AMBP: variants seen among roughly 807,000 people sequenced by gnomAD.
AMBP encodes the protein protein AMBP.
A neutral mutation model predicts 46.3 loss-of-function variants in AMBP; 37 were observed. The ratio of observed to expected loss-of-function variants is 0.80; its 90% CI spans 0.61 to 1.05. AMBP has a LOEUF of 1.05. Ranked by LOEUF, AMBP falls within the 50% of genes least tolerant of loss-of-function variation. The pLI, the probability that AMBP is intolerant of heterozygous loss-of-function variation, is 0.00. For synonymous variants in AMBP, 174 were observed against 175.9 expected (o/e 0.99, Z 0.09); for missense variants, 475 against 461.2 (o/e 1.03, Z -0.27).
rs773042558 is a variant in AMBP at position 114,062,766 on chromosome 9, GGAGA to G, written c.604-12_604-9del. On this transcript the variant is annotated splice_polypyrimidine_tract_variant and intron_variant, in intron 6 of 9. Transcript: ENST00000265132. ...CACAGCCCTCCGGACTCTCTGCGGGGGAGAGAAAGAGAAGAAGCAGTTGCAGACT... is the reference window on the plus strand; with the variant it reads ...CACAGCCCTCCGGACTCTCTGCGGGGGAAAGAGAAGAAGCAGTTGCAGACT... 5.5e-5 allele frequency: 89 copies of G among 1,613,856 alleles called. No individual in the cohort carries two copies. Among genetic ancestry groups the G allele is most frequent in the Non-Finnish European group, 7.4e-5 (87 of 1,179,934 alleles).
Position 114,072,980 on chromosome 9 carries a change from C to T in AMBP, c.501G>A (p.Val167=). Residue 167 remains valine, a synonymous_variant, in exon 5 of 10, where the codon GTG becomes GTA. Transcript: ENST00000265132. ...LRETLLQDFR[V]VAQGVGIPED... ...CAGGGATGCCCACACCCTGGGCAACCACTCTGAAGTCCTGCAGGAGAGTTT... is the reference window on the plus strand; with the variant it reads ...CAGGGATGCCCACACCCTGGGCAACTACTCTGAAGTCCTGCAGGAGAGTTT... 6.2e-7 allele frequency: 1 copy of T among 1,613,928 alleles called. No individual in the cohort carries two copies. The highest frequency in any genetic ancestry group is 8.5e-7 in the Non-Finnish European group (1 of 1,179,862).
intron 8 of AMBP, 85 bp from the exon 9 acceptor site, chr9:114,061,183 C>T: frequency 6.6e-7 from 1 of 1,515,246 alleles, no homozygotes; most frequent in Non-Finnish European, 8.9e-7. Context: ...CCAGAGGGCC[C>T]TGCTCATCTA....
At position 114,060,242 on chromosome 9, in the gene AMBP, G is replaced by T; in HGVS notation, c.1056C>A (p.Asn352Lys). 6.2e-7 allele frequency: 1 copy of T among 1,613,304 alleles called. No individual in the cohort carries two copies. The highest frequency in any genetic ancestry group is 1.1e-5 in the South Asian group (1 of 90,704). The change falls in exon 10 of 10, where the codon AAC becomes AAA. Residue 352 changes from asparagine (N) to lysine (K), a missense_variant. Physicochemically the swap from Asn to Lys is moderately conservative, Grantham distance 94. This residue lies in a region of AMBP where 293 missense variants were observed against 276.9 expected (regional missense o/e 1.06). Transcript: ENST00000265132. ...DGDEELLRFS[N>K] ...TGACTTGCAGACCGGCCAGTTGTCA[G>T]TTGGAGAAGCGCAGCAGCTCCTCAT...
intron 5 of AMBP, among the ~76,000 whole-genome samples, chr9:114,071,212 C>T (rs1377320604): frequency 1.3e-5 from 2 of 152,186 alleles, no homozygotes; most frequent in African/African-American, 4.8e-5. Context: ...CTCTCAGGGC[C>T]CAGGAAGGTC....
chr9:114,070,499 C>T (rs959431576), intron 5 of AMBP, among the ~76,000 whole-genome samples: 1 of 152,206 alleles, frequency 6.6e-6, no homozygotes, highest in Admixed American at 6.5e-5. Context: ...CTGGGAGCCC[C>T]TGGAGCCTGC....
At chr9:114,061,738 T>A in intron 7 of AMBP, 147 bp from the exon 8 acceptor site, 1 of 1,002,638 alleles carries the variant, frequency 1.0e-6, no homozygotes, top group Non-Finnish European at 1.4e-6. Context: ...CTCAGAGAGG[T>A]GAAGTAACTT....
rs1307459485 is a variant in AMBP, at chr9:114,072,969, C to A, written c.512G>T (p.Gly171Val). The A allele has an allele frequency of 6.2e-7, 1 of 1,613,914 alleles. No homozygotes were observed. Among genetic ancestry groups the A allele is most frequent in the Non-Finnish European group, 8.5e-7 (1 of 1,179,866 alleles). The change falls in exon 5 of 10, where the codon GGT (glycine) becomes GTT (valine). Residue 171 changes from glycine to valine, a missense_variant. This residue lies in a region of AMBP where 293 missense variants were observed against 276.9 expected (regional missense o/e 1.06). Coordinates refer to ENST00000265132, the MANE Select transcript of AMBP (RefSeq NM_001633.4). Reference sequence around the variant, plus strand: ...GATGGAGTCCTCAGGGATGCCCACACCCTGGGCAACCACTCTGAAGTCCTG... The same window carrying A: ...GATGGAGTCCTCAGGGATGCCCACAACCTGGGCAACCACTCTGAAGTCCTG... ...LLQDFRVVAQ[G>V]VGIPEDSIFT... is the part of the protein sequence containing the mutation.
chr9:114,060,992 G>A lies in AMBP; in HGVS notation c.960C>T (p.Cys320=). 1 of 1,614,238 alleles carries A rather than the reference G, an allele frequency of 6.2e-7. No homozygotes were observed. Among genetic ancestry groups the A allele is most frequent in the Non-Finnish European group, 8.5e-7 (1 of 1,180,038 alleles). ...GKCVLFPYGG[C]QGNGNKFYSE... is the part of the protein sequence containing the mutation. The stretch of plus-strand genomic sequence containing the variant: ...AGTAGAACTTGTTCCCGTTGCCCTG[G>A]CAGCCCCCGTAGGGGAAGAGGACGC... Residue 320 remains cysteine (C), a synonymous_variant, in exon 9 of 10, where the codon TGC becomes TGT. Coordinates refer to ENST00000265132, the MANE Select transcript of AMBP (RefSeq NM_001633.4).
chr9:114,068,826 A>C lies in AMBP; in HGVS notation c.603+873T>G, dbSNP rs552390649. Among the ~76,000 whole-genome samples the C allele has an allele frequency of 1.9e-4, 28 of 151,350 alleles. No individual in the cohort carries two copies. The East Asian group carries it at 4.4e-3, about 24-fold the overall frequency. On this transcript the variant is annotated intron_variant, in intron 6 of 9. Transcript: ENST00000265132. ...GTGAGATTAAAAAAAAAAAAAAAAA[A>C]AAAAAACCTTTACTTACCTTTATAC...
intron 8 of AMBP, 42 bp from the exon 9 acceptor site, chr9:114,061,140 G>T: frequency 6.2e-7 from 1 of 1,603,892 alleles, no homozygotes; most frequent in South Asian, 1.1e-5. Flanking sequence ...AAACCCTTGT[G>T]ACTGCTGATC....
intron 5 of AMBP, among the ~76,000 whole-genome samples, chr9:114,072,389 G>C (rs1846754694): frequency 6.6e-6 from 1 of 152,208 alleles, no homozygotes; most frequent in Admixed American, 6.5e-5. Flanking sequence ...GACTGCAGTG[G>C]CTGGACCCCA....
At chr9:114,062,181 A>T (rs1846645710) in intron 7 of AMBP, among the ~76,000 whole-genome samples, 1 of 152,152 alleles carries the variant, frequency 6.6e-6, no homozygotes, top group African/African-American at 2.4e-5. Context: ...AAGTTCCAAA[A>T]TGACACAAGT....
At chr9:114,072,228 G>T (rs1846753121) in intron 5 of AMBP, among the ~76,000 whole-genome samples, 1 of 152,188 alleles carries the variant, frequency 6.6e-6, no homozygotes, top group South Asian at 2.1e-4. Context: ...TGCAGTTCTT[G>T]GCATCTCCGA....
intron 4 of AMBP, among the ~76,000 whole-genome samples, chr9:114,073,491 C>CT (rs71492766): frequency 9.6e-5 from 11 of 114,212 alleles, no homozygotes; most frequent in Non-Finnish European, 1.6e-4. Context: ...GTCTCAATCC[C>CT]TGTTTTTTTT....
chr9:114,066,254 G>C (rs940342462), intron 6 of AMBP, among the ~76,000 whole-genome samples: 1 of 152,208 alleles, frequency 6.6e-6, no homozygotes, highest in Non-Finnish European at 1.5e-5. Flanking sequence ...TCCCCTACAG[G>C]TGTTGGTCCT....
intron 5 of AMBP, among the ~76,000 whole-genome samples, chr9:114,071,439 G>A (rs1014958969): frequency 9.2e-5 from 14 of 152,252 alleles, no homozygotes; most frequent in Non-Finnish European, 1.9e-4. Flanking sequence ...AAGGGAGGCC[G>A]AGTGGGGGCT....
chr9:114,066,552 G>C (rs1292197774), intron 6 of AMBP, among the ~76,000 whole-genome samples: 1 of 152,014 alleles, frequency 6.6e-6, no homozygotes, highest in East Asian at 1.9e-4. Context: ...GAAAATCCAA[G>C]CCTACAGAAA....
chr9:114,068,552 G>A (rs1287389750), intron 6 of AMBP, among the ~76,000 whole-genome samples: 1 of 151,828 alleles, frequency 6.6e-6, no homozygotes, highest in Non-Finnish European at 1.5e-5. Flanking sequence ...GTTGAAGTGA[G>A]CCAAGATCAT....
intron 5 of AMBP, chr9:114,069,968 C>G (rs921479999): frequency 8.9e-6 from 5 of 563,224 alleles, no homozygotes; most frequent in African/African-American, 7.5e-5. Context: ...CACCCCACCC[C>G]ACTAGCATCA....
Sources: allele counts gnomAD v4.1 joint callset (sites outside exome capture counted in the v4.1 genomes callset), GRCh38; gene constraint gnomAD v4.1.1; regional missense constraint gnomAD v4.1.1; transcripts MANE v1.5; gene names NCBI Gene and HGNC (gene_info 2026-07-23, HGNC 2026-07-21).